The following NDST1 variants were observed in gnomAD, a reference collection of about 807,000 sequenced individuals.
NDST1 encodes the protein bifunctional heparan sulfate N-deacetylase/N-sulfotransferase 1.
In NDST1, 35 loss-of-function variants were observed where a neutral mutation model predicts 92.8. The observed-to-expected ratio is 0.38, with a 90% confidence interval of 0.29 to 0.50. The LOEUF is 0.50. Among genes scored for constraint, NDST1 ranks in the 20% least tolerant of loss-of-function variants. The pLI is 0.94. For synonymous variants in NDST1, 493 were observed against 500.3 expected (o/e 0.99, Z 0.19); for missense variants, 822 against 1,182.7 (o/e 0.69, Z 4.47).
chr5:150,528,430 C>T, intron 3 of NDST1, 132 bp downstream of exon 3: 5 of 1,024,008 alleles, frequency 4.9e-6, no homozygotes, highest in Non-Finnish European at 7.0e-6. Context: ...CAGTCCCACT[C>T]TGCTTCCTGT....
chr5:150,541,626 C>A lies in NDST1; in HGVS notation c.1806C>A (p.Asp602Glu). ...KDIWSKEKTC[D>E]RFPKLLIIGP... ...TCTGGTCCAAGGAGAAGACGTGTGA[C>A]CGCTTCCCAAAGCTCCTCATCATCG... Residue 602 changes from aspartate (D) to glutamate (E), a missense_variant, in exon 9 of 15, where the codon GAC (aspartate) becomes GAA (glutamate). Asp to Glu is a conservative substitution (Grantham distance 45). Coordinates refer to ENST00000261797, the MANE Select transcript of NDST1 (RefSeq NM_001543.5). 2 of 1,614,172 alleles carry A rather than the reference C, an allele frequency of 1.2e-6. No homozygotes were observed. Among genetic ancestry groups the A allele is most frequent in the Non-Finnish European group, 1.7e-6 (2 of 1,180,028 alleles).
chr5:150,524,443 G>T (rs138849274), intron 2 of NDST1, among the ~76,000 whole-genome samples: 1 of 152,230 alleles, frequency 6.6e-6, no homozygotes, highest in Non-Finnish European at 1.5e-5. Context: ...TGGCACTGTC[G>T]TGCCTCAACC....
chr5:150,503,967 G>A (rs1247214658), upstream of NDST1, among the ~76,000 whole-genome samples: 2 of 152,178 alleles, frequency 1.3e-5, no homozygotes, highest in Non-Finnish European at 1.5e-5. Flanking sequence ...TGGGTCAGGC[G>A]GATCCTGGAG....
chr5:150,551,910 A>G, intron 14 of NDST1, 55 bp downstream of exon 14: 1 of 1,600,876 alleles, frequency 6.2e-7, no homozygotes, highest in South Asian at 1.1e-5. Flanking sequence ...GGGTCCCTGT[A>G]TGGAGTTGAG....
At chr5:150,543,061 A>G in intron 10 of NDST1, 90 bp downstream of exon 10, 1 of 1,547,088 alleles carries the variant, frequency 6.5e-7, no homozygotes, top group Non-Finnish European at 8.9e-7. Flanking sequence ...AAGCAGCTGG[A>G]GCTTGCTCAC....
chr5:150,544,270 A>T (rs1375120814), intron 10 of NDST1, among the ~76,000 whole-genome samples: 2 of 152,238 alleles, frequency 1.3e-5, no homozygotes, highest in African/African-American at 4.8e-5. Flanking sequence ...GTAGCAAAGT[A>T]TGTGAATATT....
chr5:150,537,009 G>A (rs759783392), intron 6 of NDST1, among the ~76,000 whole-genome samples: 2 of 152,248 alleles, frequency 1.3e-5, no homozygotes, highest in Admixed American at 6.5e-5. Context: ...CAGGGACCCC[G>A]AACAGAGGGA....
At chr5:150,503,693 C>T (rs1234047061), upstream of NDST1, among the ~76,000 whole-genome samples, 1 of 152,128 alleles carries the variant, frequency 6.6e-6, no homozygotes, top group Non-Finnish European at 1.5e-5. Flanking sequence ...CCCCTTCCAC[C>T]TTCCAGAGTG....
At chr5:150,527,573 A>T (rs994395487) in intron 2 of NDST1, among the ~76,000 whole-genome samples, 2 of 152,230 alleles carry the variant, frequency 1.3e-5, no homozygotes, top group Admixed American at 1.3e-4. Flanking sequence ...GAGGATTAAC[A>T]GCATTCCTGT....
At chr5:150,503,955 G>A (rs569288120), upstream of NDST1, among the ~76,000 whole-genome samples, 1 of 152,314 alleles carries the variant, frequency 6.6e-6, no homozygotes, top group African/African-American at 2.4e-5. Context: ...GGACAGGGCT[G>A]ATGGGTCAGG....
intron 1 of NDST1, among the ~76,000 whole-genome samples, chr5:150,514,832 A>G (rs1276814382): frequency 6.6e-6 from 1 of 152,200 alleles, no homozygotes; most frequent in Non-Finnish European, 1.5e-5. Context: ...CTGCTCATTC[A>G]TTCATATCCT....
intron 1 of NDST1, among the ~76,000 whole-genome samples, chr5:150,518,596 A>T (rs1192403793): frequency 6.6e-6 from 1 of 152,192 alleles, no homozygotes; most frequent in Non-Finnish European, 1.5e-5. Flanking sequence ...TTTTGCATTT[A>T]GCACCAGTTT....
chr5:150,516,592 C>T (rs1483877864), intron 1 of NDST1, among the ~76,000 whole-genome samples: 2 of 152,164 alleles, frequency 1.3e-5, no homozygotes, highest in African/African-American at 2.4e-5. Context: ...CACGTGTAAC[C>T]AGTAGGGTCC....
In NDST1 at chr5:150,521,092, T is replaced by C. The variant is rs140157650; in HGVS notation, c.-163T>C. 4.4e-4 allele frequency: 286 copies of C among 648,536 alleles called. No homozygotes were observed. Among genetic ancestry groups the C allele is most frequent in the Non-Finnish European group, 6.1e-4 (232 of 379,298 alleles). 40.2% of individuals were successfully genotyped at this position (648,536 alleles called of 1,614,324 possible). A position where few individuals can be genotyped will look rare whatever the true frequency, so the allele number is the denominator to read the frequency against. On this transcript the variant is annotated 5_prime_UTR_variant, in exon 2 of 15. Transcript: ENST00000261797. The surrounding 1 kb of genome is among the most constrained non-coding windows in gnomAD (Gnocchi z 5.9). ...TGCGCCCCTGGCTGGGAGGAAGGAC[T>C]GGGGGCCCAGATCCTCCACTCCCAG... is the stretch of plus-strand genomic sequence containing the variant.
At chr5:150,518,612 C>T (rs1754093466) in intron 1 of NDST1, among the ~76,000 whole-genome samples, 1 of 152,176 alleles carries the variant, frequency 6.6e-6, no homozygotes, top group Non-Finnish European at 1.5e-5. Context: ...AGTTTCTAGC[C>T]TATGCACAAA....
At position 150,531,500 on chromosome 5, in the gene NDST1, C is replaced by CTTT. The variant is rs35747232; in HGVS notation, c.1009-1430_1009-1428dup. Among the ~76,000 whole-genome samples the CTTT allele has an allele frequency of 1.1e-3, 147 of 131,136 alleles. 1 individual carries two copies. Among genetic ancestry groups the CTTT allele is most frequent in the African/African-American group, 3.4e-3 (127 of 37,012 alleles). The allele number at this position is 131,136 out of a possible 152,430, so 86.0% of individuals were successfully genotyped here. On this transcript the variant is annotated intron_variant, in intron 3 of 14. Coordinates refer to ENST00000261797, the MANE Select transcript of NDST1 (RefSeq NM_001543.5). ...ACAGGTTTCTTTTTTCTTTTTCTCT[C>CTTT]TTTTTTTTTTTTTTTTTGAGATGGA... is the stretch of plus-strand genomic sequence containing the variant.
chr5:150,535,592 C>T, intron 5 of NDST1, 108 bp from the exon 6 acceptor site: 1 of 1,384,244 alleles, frequency 7.2e-7, no homozygotes, highest in Non-Finnish European at 1.0e-6. Flanking sequence ...AGACCAGCAG[C>T]CATGCCGACC....
rs779309764 is a variant in NDST1 at position 150,527,945 on chromosome 5, G to T, written c.655G>T (p.Val219Leu). 2 of 1,614,082 alleles carry T rather than the reference G, an allele frequency of 1.2e-6. No individual in the cohort carries two copies. The highest frequency in any genetic ancestry group is 1.1e-5 in the South Asian group (1 of 91,074). ...VTRPSEVEKG[V>L]LPGEDWTVFQ... ...GCGACCTAGCGAGGTGGAGAAAGGTGTGCTCCCCGGCGAGGACTGGACGGT... is the reference window on the plus strand; with the variant it reads ...GCGACCTAGCGAGGTGGAGAAAGGTTTGCTCCCCGGCGAGGACTGGACGGT... Residue 219 changes from valine (V) to leucine (L), a missense_variant, in exon 3 of 15, where the codon GTG (valine) becomes TTG (leucine). Transcript: ENST00000261797.
intron 3 of NDST1, among the ~76,000 whole-genome samples, chr5:150,528,819 TA>T (rs1754589197): frequency 6.6e-6 from 1 of 152,022 alleles, no homozygotes; most frequent in Admixed American, 6.6e-5. Flanking sequence ...AATAAAACTT[TA>T]TTGTATTGAA....
Sources: allele counts gnomAD v4.1 joint callset (sites outside exome capture counted in the v4.1 genomes callset), GRCh38; gene constraint gnomAD v4.1.1; non-coding constraint Gnocchi (gnomAD v3.1); transcripts MANE v1.5; gene names NCBI Gene and HGNC (gene_info 2026-07-23, HGNC 2026-07-21).